PREPL: variants seen among roughly 807,000 people sequenced by gnomAD.
PREPL encodes prolyl endopeptidase like, also known as prolyl endopeptidase-like.
A neutral mutation model predicts 70.6 loss-of-function variants in PREPL; 77 were observed. That is an observed-to-expected ratio of 1.09 (90% CI 0.91 to 1.32). The LOEUF is 1.32. Among genes scored for constraint, PREPL ranks in the 40% most tolerant of loss-of-function variants. PREPL has a pLI of 0.00. For synonymous variants in PREPL, 315 were observed against 264.8 expected (o/e 1.19, Z -1.84); for missense variants, 1,002 against 778.2 (o/e 1.29, Z -3.42).
At chr2:44,352,679 A>G (rs575192128) in intron 1 of PREPL, among the ~76,000 whole-genome samples, 2 of 152,320 alleles carry the variant, frequency 1.3e-5, no homozygotes, top group African/African-American at 4.8e-5. Context: ...AGAATGGTGC[A>G]TAGCAGGTGT....
intron 1 of PREPL, among the ~76,000 whole-genome samples, chr2:44,349,006 C>T (rs1189502095): frequency 6.6e-6 from 1 of 152,140 alleles, no homozygotes; most frequent in Non-Finnish European, 1.5e-5. Context: ...GTAAGGATGG[C>T]TTTACCTTCA....
chr2:44,321,176 T>C lies in PREPL; in HGVS notation c.*180A>G. On this transcript the variant is annotated 3_prime_UTR_variant, in exon 14 of 14. Transcript: ENST00000409411. ...CTAGGTTAATGGGCATGTGCATCAA[T>C]GGAGAGAATAGTATAAGCAAGTGAG... 1.7e-6 allele frequency: 1 copy of C among 592,524 alleles called. No individual in the cohort carries two copies. Among genetic ancestry groups the C allele is most frequent in the Non-Finnish European group, 3.0e-6 (1 of 330,652 alleles). 36.7% of individuals were successfully genotyped at this position (592,524 alleles called of 1,614,324 possible). A position where few individuals can be genotyped will look rare whatever the true frequency, so the allele number is the denominator to read the frequency against.
At chr2:44,327,959 G>A (rs1673688699) in intron 9 of PREPL, among the ~76,000 whole-genome samples, 2 of 151,772 alleles carry the variant, frequency 1.3e-5, no homozygotes, top group South Asian at 4.2e-4. Flanking sequence ...AGACCAGCCT[G>A]GGCAACATTG....
At chr2:44,350,903 CCT>C (rs990868412) in intron 1 of PREPL, among the ~76,000 whole-genome samples, 40 of 152,172 alleles carry the variant, frequency 2.6e-4, no homozygotes, top group African/African-American at 9.2e-4. Flanking sequence ...TCCTTGTTTT[CCT>C]CTTACTTCAC....
Position 44,320,553 on chromosome 2 carries a change from C to T in PREPL, c.*803G>A, listed in dbSNP as rs749314531. The T allele has an allele frequency of 9.9e-6, 16 of 1,614,058 alleles. No homozygotes were observed. The East Asian group carries it at 1.8e-4, about 18-fold the overall frequency. ...ACACAACACGAAGAATCTCCTTCAT[C>T]GCCAAACAGCTTTCAGAGATAGATG... On this transcript the variant is annotated 3_prime_UTR_variant, in exon 14 of 14. Coordinates refer to ENST00000409411, the MANE Select transcript of PREPL (RefSeq NM_001171613.2).
rs1211121021 is a variant in PREPL at position 44,318,966 on chromosome 2, A to G, written c.*2390T>C. ...GAAAAAGACTTCAACATACTTTTAG[A>G]AAGTAGTAACTCAAGTAGACAATAA... is the stretch of plus-strand genomic sequence containing the variant. On this transcript the variant is annotated 3_prime_UTR_variant, in exon 14 of 14. Transcript: ENST00000409411. 1 of 152,258 alleles carries G rather than the reference A, an allele frequency of 6.6e-6. No individual in the cohort carries two copies. The highest frequency in any genetic ancestry group is 1.5e-5 in the Non-Finnish European group (1 of 68,024). The allele number at this position is 152,258 out of a possible 1,614,324, so 9.4% of individuals were successfully genotyped here. A position where few individuals can be genotyped will look rare whatever the true frequency, so the allele number is the denominator to read the frequency against.
chr2:44,321,642 C>G (rs1672958714), intron 13 of PREPL, 185 bp downstream of exon 13: 3 of 1,499,686 alleles, frequency 2.0e-6, no homozygotes, highest in Non-Finnish European at 2.7e-6. Context: ...GCTCACGTAT[C>G]AAGTACAAGA....
At chr2:44,345,221 A>G (rs2104004500) in intron 2 of PREPL, among the ~76,000 whole-genome samples, 1 of 152,264 alleles carries the variant, frequency 6.6e-6, no homozygotes, top group Non-Finnish European at 1.5e-5. Flanking sequence ...GCTTACGTTT[A>G]TTATCTGTTA....
At chr2:44,345,359 C>CT (rs540009409) in intron 2 of PREPL, among the ~76,000 whole-genome samples, 93 of 147,234 alleles carry the variant, frequency 6.3e-4, no homozygotes, top group South Asian at 2.4e-3. Context: ...TTCATTTTTT[C>CT]TTTTTTTTTT....
chr2:44,320,750 T>A lies in PREPL; in HGVS notation c.*606A>T. 1 of 881,830 alleles carries A rather than the reference T, an allele frequency of 1.1e-6. No homozygotes were observed. Among genetic ancestry groups the A allele is most frequent in the East Asian group, 2.5e-5 (1 of 39,538 alleles). 54.6% of individuals were successfully genotyped at this position (881,830 alleles called of 1,614,324 possible). ...TGAACAATCATTAATTCTTCGATAT[T>A]TCTGTAGCTTGAATGTAACTGCTTT... On this transcript the variant is annotated 3_prime_UTR_variant, in exon 14 of 14. Coordinates refer to ENST00000409411, the MANE Select transcript of PREPL (RefSeq NM_001171613.2).
At chr2:44,343,977 A>G (rs369911895) in intron 3 of PREPL, 26 bp from the exon 4 acceptor site, 5 of 1,605,930 alleles carry the variant, frequency 3.1e-6, no homozygotes, top group Admixed American at 3.4e-5. Context: ...TACGAAAGTG[A>G]TAACTTCAAA....
At chr2:44,337,233 A>C (rs1674727827) in intron 7 of PREPL, among the ~76,000 whole-genome samples, 2 of 152,168 alleles carry the variant, frequency 1.3e-5, no homozygotes, top group Non-Finnish European at 2.9e-5. Context: ...TCCACCTGTC[A>C]AAATCCTATC....
At chr2:44,360,217 T>C (rs1677546057) in intron 1 of PREPL, 1 of 152,292 alleles carries the variant, frequency 6.6e-6, no homozygotes, top group Non-Finnish European at 1.5e-5. Flanking sequence ...AATTATTTAA[T>C]AAAGGTGGGG....
At chr2:44,355,739 C>G (rs1676959518) in intron 1 of PREPL, among the ~76,000 whole-genome samples, 1 of 138,432 alleles carries the variant, frequency 7.2e-6, no homozygotes. Flanking sequence ...GCAAGATATA[C>G]AAAACTACAT....
intron 1 of PREPL, among the ~76,000 whole-genome samples, chr2:44,350,072 G>C (rs1325920086): frequency 6.6e-6 from 1 of 151,718 alleles, no homozygotes; most frequent in African/African-American, 2.4e-5. Flanking sequence ...TAGTAAAAGA[G>C]GTAAAACTAC....
At position 44,323,479 on chromosome 2, in the gene PREPL, CTATTT is replaced by C; in HGVS notation, c.1480-73_1480-69del. On this transcript the variant is annotated intron_variant, in intron 10 of 13. Coordinates refer to ENST00000409411, the MANE Select transcript of PREPL (RefSeq NM_001171613.2). ...GGTAAGTGAGTTTCAGAAAAACATT[CTATTT>C]TATGAATATACATACTAATATGAGA... The C allele has an allele frequency of 8.5e-6, 11 of 1,298,390 alleles. No homozygotes were observed. The South Asian group carries it at 1.5e-4, about 18-fold the overall frequency. The allele number at this position is 1,298,390 out of a possible 1,614,324, so 80.4% of individuals were successfully genotyped here. A position where few individuals can be genotyped will look rare whatever the true frequency, so the allele number is the denominator to read the frequency against.
At chr2:44,328,897 G>A in intron 9 of PREPL, 40 bp downstream of exon 9, 2 of 1,552,940 alleles carry the variant, frequency 1.3e-6, no homozygotes, top group Non-Finnish European at 1.8e-6. Flanking sequence ...CTCTCACAAT[G>A]GTCTAGCACT....
chr2:44,330,496 CAAT>C (rs1285600543), intron 8 of PREPL, among the ~76,000 whole-genome samples: 1 of 152,138 alleles, frequency 6.6e-6, no homozygotes, highest in Non-Finnish European at 1.5e-5. Flanking sequence ...AAGTGGGTAA[CAAT>C]GATTATTTCT....
intron 4 of PREPL, among the ~76,000 whole-genome samples, chr2:44,343,371 C>T (rs558551099): frequency 2.0e-5 from 3 of 151,890 alleles, no homozygotes; most frequent in African/African-American, 7.2e-5. Flanking sequence ...TGTAACAGCT[C>T]TATAAGATAA....
Sources: allele counts gnomAD v4.1 joint callset (sites outside exome capture counted in the v4.1 genomes callset), GRCh38; gene constraint gnomAD v4.1.1; transcripts MANE v1.5; gene names NCBI Gene and HGNC (gene_info 2026-07-23, HGNC 2026-07-21).